STRN3: variants seen among roughly 807,000 people sequenced by gnomAD.
STRN3 encodes the protein striatin 3.
A neutral mutation model predicts 95.6 loss-of-function variants in STRN3; 29 were observed. That is an observed-to-expected ratio of 0.30 (90% CI 0.23 to 0.41). The LOEUF is 0.41. Ranked by LOEUF, STRN3 falls within the 10% of genes least tolerant of loss-of-function variation. STRN3 has a pLI of 1.00. For missense variants in STRN3, 890 were observed against 972.1 expected, an observed-to-expected ratio of 0.92 and a Z score of 1.12; for synonymous variants, 331 against 357.6, an observed-to-expected ratio of 0.93 and a Z score of 0.84.
intron 1 of STRN3, among the ~76,000 whole-genome samples, chr14:31,006,296 T>C (rs968827832): frequency 2.6e-5 from 4 of 152,116 alleles, no homozygotes. Context: ...GGCTCATGCC[T>C]GTAATCCTAG....
chr14:30,928,424 A>G (rs1209711348), intron 8 of STRN3, among the ~76,000 whole-genome samples: 1 of 152,220 alleles, frequency 6.6e-6, no homozygotes, highest in East Asian at 1.9e-4. Flanking sequence ...AGTTCAAATG[A>G]GTCCCAAAAA....
intron 16 of STRN3, among the ~76,000 whole-genome samples, chr14:30,900,681 G>A (rs543584317): frequency 4.0e-5 from 6 of 151,686 alleles, no homozygotes; most frequent in East Asian, 1.9e-4. Flanking sequence ...CCCAAGAGGC[G>A]GAGGTTACAG....
At chr14:30,905,583 A>G (rs769132364) in intron 14 of STRN3, 25 bp from the exon 15 acceptor site, 2 of 1,567,544 alleles carry the variant, frequency 1.3e-6, no homozygotes, top group Non-Finnish European at 1.7e-6. Context: ...AAGACAGACA[A>G]TGTAAACAAA....
chr14:30,998,501 T>C (rs906672091), intron 1 of STRN3, among the ~76,000 whole-genome samples: 1 of 152,210 alleles, frequency 6.6e-6, no homozygotes, highest in African/African-American at 2.4e-5. Flanking sequence ...CACCTCTGAC[T>C]AACATTAAGG....
chr14:30,947,157 TTTCTACTGA>T lies in STRN3; in HGVS notation c.640_648del (p.Ser214_Glu216del), dbSNP rs776741902. ...TTCAGGATCTGTTCTAAATTCTTTG[TTTCTACTGA>T]TCCATTTGGTTCTGAATTAGATAGT... On this transcript the variant is annotated inframe_deletion, in exon 5 of 18. Coordinates refer to ENST00000357479, the MANE Select transcript of STRN3 (RefSeq NM_001083893.2). 17 of 1,613,006 alleles carry T rather than the reference TTTCTACTGA, an allele frequency of 1.1e-5. No homozygotes were observed. The South Asian group carries it at 1.9e-4, about 18-fold the overall frequency.
intron 13 of STRN3, among the ~76,000 whole-genome samples, chr14:30,909,197 AT>A (rs1295996429): frequency 6.6e-6 from 1 of 151,692 alleles, no homozygotes; most frequent in Non-Finnish European, 1.5e-5. Context: ...GTAGACTTTA[AT>A]TTTTTTTTAG....
At position 30,909,554 on chromosome 14, in the gene STRN3, T is replaced by C. The variant is rs1018244063; in HGVS notation, c.1720+1487A>G. 2.5e-4 allele frequency among the ~76,000 whole-genome samples: 38 copies of C among 152,314 alleles called. 1 individual carries two copies. In the South Asian group the frequency reaches 5.6e-3, roughly 22 times the overall value. ...GTACACTGGCACCATCATAGCTCAC[T>C]ACAGCCTTTACTTCTCACACTCAAG... On this transcript the variant is annotated intron_variant, in intron 13 of 17. Coordinates refer to ENST00000357479, the MANE Select transcript of STRN3 (RefSeq NM_001083893.2).
intron 5 of STRN3, among the ~76,000 whole-genome samples, chr14:30,942,687 A>T (rs890130102): frequency 2.0e-5 from 3 of 152,208 alleles, no homozygotes; most frequent in African/African-American, 7.2e-5. Context: ...ATGCTTTGTG[A>T]TATGATGCAC....
intron 1 of STRN3, among the ~76,000 whole-genome samples, chr14:30,971,491 A>G (rs2144041): frequency 0.018 from 2,780 of 152,290 alleles, 83 homozygotes; most frequent in African/African-American, 0.062. Context: ...ATCTATTACA[A>G]CCAACAGCGA....
At position 30,912,100 on chromosome 14, in the gene STRN3, A is replaced by C; in HGVS notation, c.1457T>G (p.Leu486Ter). 6.2e-7 allele frequency: 1 copy of C among 1,614,144 alleles called. No homozygotes were observed. Among genetic ancestry groups the C allele is most frequent in the Non-Finnish European group, 8.5e-7 (1 of 1,180,000 alleles). ...CACAGGTTCTACAGGATGAAAAGCTAATGCCCGTACTCCATCAAAATGGCT... is the reference window on the plus strand; with the variant it reads ...CACAGGTTCTACAGGATGAAAAGCTCATGCCCGTACTCCATCAAAATGGCT... Reference protein sequence around the residue: ...LRSHFDGVRALAFHPVEPVLV... With the variant: ...LRSHFDGVRA Residue 486 changes from leucine to a stop codon, truncating the protein, a stop_gained, in exon 11 of 18, where the codon TTA becomes TGA. Transcript: ENST00000357479. LOFTEE classifies it high-confidence loss of function.
At chr14:30,978,279 C>T (rs1389470906) in intron 1 of STRN3, among the ~76,000 whole-genome samples, 1 of 152,074 alleles carries the variant, frequency 6.6e-6, no homozygotes, top group Non-Finnish European at 1.5e-5. Context: ...CAAACTGAAT[C>T]CAACAAAGTA....
chr14:30,956,757 A>C (rs1879925643), intron 1 of STRN3, among the ~76,000 whole-genome samples: 1 of 152,346 alleles, frequency 6.6e-6, no homozygotes, highest in African/African-American at 2.4e-5. Flanking sequence ...CTAACATACA[A>C]TTCACAAAGA....
intron 15 of STRN3, 60 bp from the exon 16 acceptor site, chr14:30,902,703 T>C: frequency 4.5e-6 from 5 of 1,111,456 alleles, no homozygotes; most frequent in Middle Eastern, 4.0e-4. Context: ...AGTTGGATAA[T>C]GGCCTTTTTA....
At chr14:31,009,991 T>C (rs1257233171) in intron 1 of STRN3, among the ~76,000 whole-genome samples, 1 of 152,038 alleles carries the variant, frequency 6.6e-6, no homozygotes, top group African/African-American at 2.4e-5. Context: ...TAGTCCCTGC[T>C]TCTGAGGAGG....
intron 9 of STRN3, among the ~76,000 whole-genome samples, chr14:30,915,603 T>C (rs1047400021): frequency 9.8e-5 from 15 of 152,302 alleles, no homozygotes; most frequent in African/African-American, 3.6e-4. Context: ...TAATTTAAAC[T>C]TATGTTTAAG....
intron 16 of STRN3, among the ~76,000 whole-genome samples, chr14:30,902,171 C>CAAAAAAA (rs71112350): frequency 5.8e-4 from 23 of 39,848 alleles, no homozygotes; most frequent in African/African-American, 8.2e-4. Context: ...AACTCCGCCT[C>CAAAAAAA]AAAAAAAAAA....
rs543855592 is a variant in STRN3 at position 30,897,355 on chromosome 14, C to T, written c.2138-1607G>A. 2.1e-4 allele frequency among the ~76,000 whole-genome samples: 32 copies of T among 152,240 alleles called. No individual in the cohort carries two copies. In the South Asian group the frequency reaches 2.5e-3, roughly 12 times the overall value. On this transcript the variant is annotated intron_variant, in intron 16 of 17. Coordinates refer to ENST00000357479, the MANE Select transcript of STRN3 (RefSeq NM_001083893.2). Reference sequence around the variant, plus strand: ...ATCCCAGCACTTTGGGAGGCTGAAGCGGGCAGATCACCTGAGGGCAGGAGT... The same window carrying T: ...ATCCCAGCACTTTGGGAGGCTGAAGTGGGCAGATCACCTGAGGGCAGGAGT...
At chr14:30,904,736 T>TA (rs2138963736) in intron 15 of STRN3, among the ~76,000 whole-genome samples, 1 of 152,196 alleles carries the variant, frequency 6.6e-6, no homozygotes, top group African/African-American at 2.4e-5. Context: ...TCACCTCTGA[T>TA]AAAAGCTTAC....
intron 1 of STRN3, among the ~76,000 whole-genome samples, chr14:31,008,380 C>T (rs113066433): frequency 0.019 from 2,896 of 148,664 alleles, 34 homozygotes; most frequent in Non-Finnish European, 0.026. Context: ...TGGGAGTACA[C>T]GCCTGTAGTC....
Sources: gnomAD v4.1 joint callset for allele counts (sites outside exome capture counted in the v4.1 genomes callset) on GRCh38, gnomAD v4.1.1 for gene constraint, MANE v1.5 for transcripts, NCBI Gene and HGNC (gene_info 2026-07-23, HGNC 2026-07-21) for gene names.